RYR2: variants seen among roughly 807,000 people sequenced by gnomAD.
The protein encoded by RYR2 is ryanodine receptor 2.
Under a neutral mutation model 601.1 loss-of-function variants are expected in RYR2, and 227 were observed. The observed-to-expected ratio is 0.38, with a 90% confidence interval of 0.34 to 0.42. The LOEUF is 0.42. Among genes scored for constraint, RYR2 ranks in the 10% least tolerant of loss-of-function variants. The pLI, the probability that RYR2 is intolerant of heterozygous loss-of-function variation, is 1.00. For missense variants in RYR2, 4,646 were observed against 6,156.5 expected (o/e 0.75, Z 8.21); for synonymous variants, 2,223 against 2,175.1 (o/e 1.02, Z -0.61).
intron 27 of RYR2, among the ~76,000 whole-genome samples, chr1:237,565,111 TTCTTTTTCTTTC>T (rs1671840624): frequency 1.2e-5 from 1 of 86,400 alleles, no homozygotes; most frequent in Non-Finnish European, 2.7e-5. Flanking sequence ...TTTTCTTTCT[TTCTTTTTCTTTC>T]TTTCTTTCTT....
intron 1 of RYR2, among the ~76,000 whole-genome samples, chr1:237,233,569 A>G (rs1685220151): frequency 6.6e-6 from 1 of 152,066 alleles, no homozygotes; most frequent in Non-Finnish European, 1.5e-5. Context: ...TGTTTACTCC[A>G]TTTTTGTGCA....
chr1:237,246,151 G>A (rs565297180), intron 1 of RYR2, among the ~76,000 whole-genome samples: 17 of 151,716 alleles, frequency 1.1e-4, no homozygotes, highest in South Asian at 2.1e-4. Context: ...GCTGGAGTGC[G>A]GTGGCACAAT....
At chr1:237,415,618 T>G (rs1000945827) in intron 10 of RYR2, among the ~76,000 whole-genome samples, 17 of 152,164 alleles carry the variant, frequency 1.1e-4, no homozygotes, top group Non-Finnish European at 2.1e-4. Context: ...AAATCTAGAA[T>G]GTAGAAAGTC....
At chr1:237,676,593 A>T (rs1685419991) in intron 60 of RYR2, among the ~76,000 whole-genome samples, 1 of 152,136 alleles carries the variant, frequency 6.6e-6, no homozygotes, top group South Asian at 2.1e-4. Flanking sequence ...TAGAGCTGTG[A>T]TTGTCAATAT....
rs1248315657 is a variant in RYR2 at position 237,788,113 on chromosome 1, T to C, written c.13454T>C (p.Ile4485Thr). Residue 4485 changes from isoleucine (I) to threonine (T), a missense_variant, in exon 92 of 105, where the codon ATA becomes ACA. By Grantham distance (89) the Ile-to-Thr change is moderately conservative. Transcript: ENST00000366574. ...GAGTCAGCATTCTGGAAGAAAATCATAGCATATCAACAGAAACTTCTAGTA... is the reference window on the plus strand; with the variant it reads ...GAGTCAGCATTCTGGAAGAAAATCACAGCATATCAACAGAAACTTCTAGTA... ...VPESAFWKKIIAYQQKLLNYF... is the reference protein window; with the variant it reads ...VPESAFWKKITAYQQKLLNYF... 6.2e-7 allele frequency: 1 copy of C among 1,611,702 alleles called. No homozygotes were observed. Among genetic ancestry groups the C allele is most frequent in the Non-Finnish European group, 8.5e-7 (1 of 1,178,744 alleles).
chr1:237,340,192 A>G (rs1697640311), intron 3 of RYR2, among the ~76,000 whole-genome samples: 2 of 152,192 alleles, frequency 1.3e-5, no homozygotes, highest in South Asian at 2.1e-4. Flanking sequence ...ATCTTTGCCT[A>G]TGAAAACAAA....
chr1:237,086,614 G>C (rs575182785), intron 1 of RYR2, among the ~76,000 whole-genome samples: 1 of 152,140 alleles, frequency 6.6e-6, no homozygotes, highest in East Asian at 1.9e-4. Context: ...CAGGGAGCCA[G>C]CATATTGCTT....
intron 49 of RYR2, 70 bp from the exon 50 acceptor site, chr1:237,649,807 C>T: frequency 1.6e-6 from 2 of 1,288,958 alleles, no homozygotes; most frequent in Non-Finnish European, 1.1e-6. Context: ...TGTATGTCCC[C>T]ATGTTAATCC....
intron 17 of RYR2, among the ~76,000 whole-genome samples, chr1:237,483,222 C>G (rs115064837): frequency 3.9e-4 from 60 of 152,288 alleles, no homozygotes; most frequent in Admixed American, 7.2e-4. Flanking sequence ...CTACCTCTTA[C>G]GACTATCATC....
chr1:237,798,365 A>ATTAAT (rs1374239176), intron 97 of RYR2, among the ~76,000 whole-genome samples, 195 bp downstream of exon 97: 1 of 152,070 alleles, frequency 6.6e-6, no homozygotes, highest in African/African-American at 2.4e-5. Context: ...TTTTTTTTCT[A>ATTAAT]TTAATTTTTG....
At position 237,692,229 on chromosome 1, in the gene RYR2, C is replaced by T. The variant is rs80025851; in HGVS notation, c.9067+4725C>T. ...ATAAACATGTATTGTATGTCTGCCA[C>T]GTGAAAGGCATTCACTCAAGATGTG... On this transcript the variant is annotated intron_variant, in intron 63 of 104. Coordinates refer to ENST00000366574, the MANE Select transcript of RYR2 (RefSeq NM_001035.3). 7.1e-3 allele frequency among the ~76,000 whole-genome samples: 1,085 copies of T among 152,246 alleles called. 13 individuals carry two copies. Among genetic ancestry groups the T allele is most frequent in the African/African-American group, 0.021 (862 of 41,542 alleles).
chr1:237,218,757 G>A (rs986624402), intron 1 of RYR2, among the ~76,000 whole-genome samples: 3 of 152,016 alleles, frequency 2.0e-5, no homozygotes, highest in Admixed American at 6.6e-5. Flanking sequence ...TTTAGGGTTG[G>A]GCTCCCCTCA....
At chr1:237,242,402 T>C (rs1202579021) in intron 1 of RYR2, among the ~76,000 whole-genome samples, 1 of 152,066 alleles carries the variant, frequency 6.6e-6, no homozygotes, top group Non-Finnish European at 1.5e-5. Context: ...AAGCTAGCCC[T>C]AGAACCTCCT....
At chr1:237,763,385 T>C (rs1248331269) in intron 84 of RYR2, among the ~76,000 whole-genome samples, 1 of 152,172 alleles carries the variant, frequency 6.6e-6, no homozygotes, top group Non-Finnish European at 1.5e-5. Context: ...AAGCTGAGTC[T>C]CCTCCTCGCC....
At chr1:237,239,828 T>C (rs1440068116) in intron 1 of RYR2, among the ~76,000 whole-genome samples, 1 of 152,232 alleles carries the variant, frequency 6.6e-6, no homozygotes, top group African/African-American at 2.4e-5. Flanking sequence ...GTTTCTGGAC[T>C]AGGTAGTGTA....
chr1:237,252,521 C>T (rs1459952206), intron 1 of RYR2, among the ~76,000 whole-genome samples: 1 of 152,134 alleles, frequency 6.6e-6, no homozygotes, highest in Admixed American at 6.6e-5. Context: ...ACTTGTTTAT[C>T]AATCTCCTCC....
intron 80 of RYR2, among the ~76,000 whole-genome samples, chr1:237,747,177 A>G (rs1053211386): frequency 6.6e-6 from 1 of 152,236 alleles, no homozygotes; most frequent in Admixed American, 6.5e-5. Context: ...GAGGAATGGA[A>G]TGTTAACTTG....
At chr1:237,243,953 C>T (rs1429632571) in intron 1 of RYR2, among the ~76,000 whole-genome samples, 1 of 152,186 alleles carries the variant, frequency 6.6e-6, no homozygotes, top group East Asian at 1.9e-4. Flanking sequence ...CTCCTCCTTC[C>T]TCAGTTTCAT....
chr1:237,432,369 C>T (rs1480782832), intron 12 of RYR2, among the ~76,000 whole-genome samples: 1 of 152,032 alleles, frequency 6.6e-6, no homozygotes. Context: ...AATATGTTTT[C>T]AATTGGGAAC....
Sources: gnomAD v4.1 joint callset for allele counts (sites outside exome capture counted in the v4.1 genomes callset) on GRCh38, gnomAD v4.1.1 for gene constraint, MANE v1.5 for transcripts, NCBI Gene and HGNC (gene_info 2026-07-23, HGNC 2026-07-21) for gene names.